Variants in HHLA2 observed in about 807,000 individuals in gnomAD.
HHLA2 encodes the protein HERV-H LTR-associating protein 2.
A neutral mutation model predicts 45.9 loss-of-function variants in HHLA2; 48 were observed. That is an observed-to-expected ratio of 1.05 (90% confidence interval 0.83 to 1.33). HHLA2 has a LOEUF of 1.33. HHLA2 is among the 40% of genes most tolerant of loss of function. The pLI, the probability that HHLA2 is intolerant of heterozygous loss-of-function variation, is 0.00. For synonymous variants in HHLA2, 161 were observed against 173.9 expected (o/e 0.93, Z 0.59); for missense variants, 462 against 494.3 (o/e 0.93, Z 0.62).
At chr3:108,311,769 T>A (rs2081021767) in intron 2 of HHLA2, 1 of 152,182 alleles carries the variant, frequency 6.6e-6, no homozygotes, top group Non-Finnish European at 1.5e-5. Context: ...TCAAGAGATG[T>A]CTATGTCCCC....
At chr3:108,376,220 C>G (rs1039502865) in intron 9 of HHLA2, among the ~76,000 whole-genome samples, 14 of 152,116 alleles carry the variant, frequency 9.2e-5, no homozygotes, top group African/African-American at 1.9e-4. Flanking sequence ...TGGTAGGAAC[C>G]AGGCCAAGGA....
chr3:108,327,420 T>G (rs1046081845), intron 2 of HHLA2, among the ~76,000 whole-genome samples: 2 of 152,204 alleles, frequency 1.3e-5, no homozygotes, highest in Non-Finnish European at 2.9e-5. Context: ...ACATTCTCCT[T>G]TCTTTTTCCT....
intron 8 of HHLA2, among the ~76,000 whole-genome samples, chr3:108,371,937 G>T (rs1210046267): frequency 6.6e-6 from 1 of 152,152 alleles, no homozygotes; most frequent in African/African-American, 2.4e-5. Flanking sequence ...AGTTAACAAG[G>T]ATATCCAGGA....
At chr3:108,306,360 A>G (rs1053093554) in intron 1 of HHLA2, among the ~76,000 whole-genome samples, 1 of 152,068 alleles carries the variant, frequency 6.6e-6, no homozygotes, top group Non-Finnish European at 1.5e-5. Flanking sequence ...TTTTGTCCAG[A>G]TTTTCATATC....
intron 3 of HHLA2, among the ~76,000 whole-genome samples, chr3:108,339,511 A>C (rs2081529475): frequency 6.6e-6 from 1 of 152,106 alleles, no homozygotes; most frequent in African/African-American, 2.4e-5. Flanking sequence ...ACTTCATGTG[A>C]TTGTGCCTAG....
At chr3:108,354,397 A>C (rs1216281397) in intron 5 of HHLA2, among the ~76,000 whole-genome samples, 1 of 151,770 alleles carries the variant, frequency 6.6e-6, no homozygotes, top group African/African-American at 2.4e-5. Context: ...GTATTAATAT[A>C]TTAACTGTTG....
intron 3 of HHLA2, among the ~76,000 whole-genome samples, chr3:108,349,853 G>C (rs948729769): frequency 1.2e-4 from 18 of 152,172 alleles, no homozygotes; most frequent in African/African-American, 4.3e-4. Context: ...TGAGAACAGG[G>C]AATGTCAGTT....
chr3:108,315,083 T>G (rs916017728), intron 2 of HHLA2, among the ~76,000 whole-genome samples: 6 of 152,192 alleles, frequency 3.9e-5, no homozygotes, highest in African/African-American at 1.2e-4. Context: ...AAATGGTGCT[T>G]TTGTACCCAC....
At chr3:108,351,191 A>T (rs1220294030) in intron 3 of HHLA2, among the ~76,000 whole-genome samples, 1 of 152,194 alleles carries the variant, frequency 6.6e-6, no homozygotes, top group East Asian at 1.9e-4. Flanking sequence ...TTTTTGAAAC[A>T]TGCTTTGTAA....
At chr3:108,298,004 A>G (rs558698300) in intron 1 of HHLA2, among the ~76,000 whole-genome samples, 10 of 152,144 alleles carry the variant, frequency 6.6e-5, no homozygotes, top group Non-Finnish European at 1.2e-4. Flanking sequence ...CATAACCAGC[A>G]TTCTCTTTGA....
intron 8 of HHLA2, among the ~76,000 whole-genome samples, chr3:108,368,534 GCA>G (rs2082106827): frequency 8.3e-5 from 1 of 12,054 alleles, no homozygotes; most frequent in Non-Finnish European, 1.4e-4. Context: ...CAAACGAAGA[GCA>G]AAAAAAAAAA....
At chr3:108,323,167 T>C (rs1041657106) in intron 2 of HHLA2, among the ~76,000 whole-genome samples, 2 of 151,750 alleles carry the variant, frequency 1.3e-5, no homozygotes, top group African/African-American at 4.8e-5. Context: ...GAGGTGGGGA[T>C]GGTTAATGGA....
At chr3:108,356,782 T>G (rs893609696) in intron 6 of HHLA2, among the ~76,000 whole-genome samples, 1 of 152,152 alleles carries the variant, frequency 6.6e-6, no homozygotes, top group Non-Finnish European at 1.5e-5. Context: ...CAGCATCTAG[T>G]ACAAATATAA....
At chr3:108,346,344 T>C (rs182454035) in intron 3 of HHLA2, among the ~76,000 whole-genome samples, 1 of 152,282 alleles carries the variant, frequency 6.6e-6, no homozygotes, top group African/African-American at 2.4e-5. Flanking sequence ...ACAGTCAATC[T>C]TATTAAAATC....
At chr3:108,343,782 T>C (rs75132635) in intron 3 of HHLA2, among the ~76,000 whole-genome samples, 5,256 of 152,332 alleles carry the variant, frequency 0.035, 297 homozygotes, top group African/African-American at 0.12. Context: ...ACACAATAGA[T>C]GTATTTAAAT....
At chr3:108,335,513 A>G (rs1368416720) in intron 3 of HHLA2, among the ~76,000 whole-genome samples, 1 of 152,342 alleles carries the variant, frequency 6.6e-6, no homozygotes, top group South Asian at 2.1e-4. Context: ...AATACATGTC[A>G]TTGTAACTTT....
At chr3:108,342,734 C>T (rs1560233036) in intron 3 of HHLA2, among the ~76,000 whole-genome samples, 1 of 152,146 alleles carries the variant, frequency 6.6e-6, no homozygotes, top group Non-Finnish European at 1.5e-5. Context: ...TTATTATAAT[C>T]GCATAGGATT....
At chr3:108,358,052 T>G in exon 7 of HHLA2, 1 of 1,613,652 alleles carries the variant, frequency 6.2e-7, no homozygotes, top group Non-Finnish European at 8.5e-7. Context: ...TAAACCAGAG[T>G]GACTTCTCTA....
intron 3 of HHLA2, among the ~76,000 whole-genome samples, chr3:108,339,450 C>T (rs1312676725): frequency 6.6e-6 from 1 of 152,110 alleles, no homozygotes; most frequent in Non-Finnish European, 1.5e-5. Flanking sequence ...GAGCAAATTA[C>T]TTAACCTCTC....
Sources: allele counts gnomAD v4.1 joint callset (sites outside exome capture counted in the v4.1 genomes callset), GRCh38; gene constraint gnomAD v4.1.1; transcripts MANE v1.5; gene names NCBI Gene and HGNC (gene_info 2026-07-23, HGNC 2026-07-21).